The following SLC35F4 variants were observed in gnomAD, a reference collection of about 807,000 sequenced individuals.
SLC35F4 encodes the protein chromosome 14 open reading frame 36.
In SLC35F4, 24 loss-of-function variants were observed where a neutral mutation model predicts 44.2. That is an observed-to-expected ratio of 0.54 (90% confidence interval 0.39 to 0.76). SLC35F4 has a LOEUF of 0.76. Ranked by LOEUF, SLC35F4 falls within the 30% of genes least tolerant of loss-of-function variation. SLC35F4 has a pLI of 0.00. For synonymous variants in SLC35F4, 238 were observed against 223.6 expected, an observed-to-expected ratio of 1.06 and a Z score of -0.57; for missense variants, 562 against 586.1, an observed-to-expected ratio of 0.96 and a Z score of 0.42.
At chr14:57,614,741 G>C (rs1403273198) in intron 1 of SLC35F4, among the ~76,000 whole-genome samples, 1 of 152,184 alleles carries the variant, frequency 6.6e-6, no homozygotes, top group Non-Finnish European at 1.5e-5. Context: ...GCAACAGGGA[G>C]TGGTGGGTAT....
At chr14:57,601,715 TA>T (rs1566669166) in intron 1 of SLC35F4, among the ~76,000 whole-genome samples, 1 of 152,228 alleles carries the variant, frequency 6.6e-6, no homozygotes, top group Non-Finnish European at 1.5e-5. Context: ...TCTCTACTTG[TA>T]ATCAACTTTG....
chr14:57,849,247 C>A (rs771946803), intron 1 of SLC35F4, among the ~76,000 whole-genome samples: 3 of 152,192 alleles, frequency 2.0e-5, no homozygotes, highest in Non-Finnish European at 4.4e-5. Context: ...CTGCAACCTC[C>A]GCCTCCTGGG....
intron 1 of SLC35F4, among the ~76,000 whole-genome samples, chr14:57,781,680 G>C (rs541972630): frequency 5.9e-5 from 9 of 152,288 alleles, no homozygotes; most frequent in Admixed American, 4.6e-4. Flanking sequence ...ATCAATGGCA[G>C]ACTGAATAAA....
intron 1 of SLC35F4, among the ~76,000 whole-genome samples, chr14:57,876,238 T>C (rs1454810294): frequency 2.6e-5 from 4 of 152,160 alleles, no homozygotes; most frequent in African/African-American, 9.7e-5. Flanking sequence ...ACAACCAAGA[T>C]GAAAAGGGAA....
intron 3 of SLC35F4, among the ~76,000 whole-genome samples, chr14:57,587,816 AT>A (rs2069865321): frequency 6.6e-6 from 1 of 151,860 alleles, no homozygotes; most frequent in Non-Finnish European, 1.5e-5. Flanking sequence ...GTGATCAAAA[AT>A]TAAACATTCT....
At chr14:57,586,588 G>C (rs1255341017) in intron 3 of SLC35F4, among the ~76,000 whole-genome samples, 1 of 151,190 alleles carries the variant, frequency 6.6e-6, no homozygotes, top group Non-Finnish European at 1.5e-5. Flanking sequence ...CGTGGTGGCG[G>C]GTGCCTGTAG....
At chr14:57,719,705 T>C (rs2076036155) in intron 1 of SLC35F4, among the ~76,000 whole-genome samples, 1 of 152,190 alleles carries the variant, frequency 6.6e-6, no homozygotes, top group Non-Finnish European at 1.5e-5. Flanking sequence ...TTCTAATAGT[T>C]TTTTGGTGGA....
At chr14:57,880,251 T>C (rs1213437328) in intron 1 of SLC35F4, among the ~76,000 whole-genome samples, 1 of 152,210 alleles carries the variant, frequency 6.6e-6, no homozygotes, top group Non-Finnish European at 1.5e-5. Flanking sequence ...AATTTGCATT[T>C]GTTTGCATGT....
chr14:57,902,171 T>C (rs1316987641), intron 1 of SLC35F4, among the ~76,000 whole-genome samples: 7 of 152,222 alleles, frequency 4.6e-5, no homozygotes, highest in Non-Finnish European at 8.8e-5. Flanking sequence ...TGTACTCAGA[T>C]ATCTCTGGTG....
At chr14:57,807,159 G>A (rs530098058) in intron 1 of SLC35F4, among the ~76,000 whole-genome samples, 1 of 152,338 alleles carries the variant, frequency 6.6e-6, no homozygotes, top group African/African-American at 2.4e-5. Flanking sequence ...TTTTGAGGAA[G>A]AAGAGTGACA....
chr14:57,803,253 AC>A (rs1324172911), intron 1 of SLC35F4, among the ~76,000 whole-genome samples: 1 of 152,186 alleles, frequency 6.6e-6, no homozygotes, highest in Non-Finnish European at 1.5e-5. Context: ...AAAATCAAGC[AC>A]CCCTTCATGT....
chr14:57,730,431 A>G (rs1291094480), intron 1 of SLC35F4, among the ~76,000 whole-genome samples: 1 of 151,328 alleles, frequency 6.6e-6, no homozygotes. Context: ...CTTCCTAGCC[A>G]TTTGTAGATC....
At chr14:57,916,403 T>C (rs1359232799) in intron 1 of SLC35F4, among the ~76,000 whole-genome samples, 3 of 152,168 alleles carry the variant, frequency 2.0e-5, no homozygotes, top group Non-Finnish European at 4.4e-5. Flanking sequence ...CTTCAAGATA[T>C]TTTTCTTTAT....
intron 1 of SLC35F4, among the ~76,000 whole-genome samples, chr14:57,682,919 C>G (rs117882366): frequency 6.6e-6 from 1 of 152,118 alleles, no homozygotes; most frequent in African/African-American, 2.4e-5. Context: ...AATAGGGCAA[C>G]AGTCCAAACA....
Position 57,892,267 on chromosome 14 carries a change from A to T in SLC35F4, n.282+89646T>A, listed in dbSNP as rs117756852. Among the ~76,000 whole-genome samples the T allele has an allele frequency of 5.0e-3, 768 of 152,334 alleles. 3 individuals are homozygous for T. Among genetic ancestry groups the T allele is most frequent in the Non-Finnish European group, 6.5e-3 (442 of 68,032 alleles). On this transcript the variant is annotated intron_variant and non_coding_transcript_variant, in intron 1 of 1. Transcript: ENST00000556568. Reference sequence around the variant, plus strand: ...TATTGCAGGGAGGATCTCAGATTAAATGTGTACACTGGACTTCTGATCTTG... The same window carrying T: ...TATTGCAGGGAGGATCTCAGATTAATTGTGTACACTGGACTTCTGATCTTG...
chr14:57,650,065 G>T (rs1947152399), intron 1 of SLC35F4, among the ~76,000 whole-genome samples: 1 of 152,110 alleles, frequency 6.6e-6, no homozygotes, highest in South Asian at 2.1e-4. Flanking sequence ...TTCCCCAACA[G>T]TTCCTTCTTA....
At chr14:57,937,909 G>A (rs1349448600) in intron 1 of SLC35F4, among the ~76,000 whole-genome samples, 1 of 152,118 alleles carries the variant, frequency 6.6e-6, no homozygotes, top group Admixed American at 6.5e-5. Context: ...ATAAGTTATT[G>A]TTTCCCCAAC....
At chr14:57,739,917 T>C (rs751839599) in intron 1 of SLC35F4, among the ~76,000 whole-genome samples, 2 of 152,210 alleles carry the variant, frequency 1.3e-5, no homozygotes, top group Non-Finnish European at 2.9e-5. Context: ...TGGAGTGCAG[T>C]AGTGTGATCT....
At chr14:57,728,512 G>A (rs564287849) in intron 1 of SLC35F4, among the ~76,000 whole-genome samples, 16 of 119,492 alleles carry the variant, frequency 1.3e-4, no homozygotes, top group African/African-American at 4.2e-4. Context: ...GCAATGGCAC[G>A]ATCTCGGCTC....
Sources: gnomAD v4.1 joint callset for allele counts (sites outside exome capture counted in the v4.1 genomes callset) on GRCh38, gnomAD v4.1.1 for gene constraint, MANE v1.5 for transcripts, NCBI Gene and HGNC (gene_info 2026-07-23, HGNC 2026-07-21) for gene names.